Variants in SLIT3 observed in about 807,000 individuals in gnomAD.
SLIT3 encodes the protein slit homolog 3 protein.
SLIT3 carries 68 observed loss-of-function variants against 184.0 expected under a neutral mutation model. The observed-to-expected ratio is 0.37, with a 90% confidence interval of 0.30 to 0.45. The LOEUF is 0.45. Among genes scored for constraint, SLIT3 ranks in the 20% least tolerant of loss-of-function variants. SLIT3 has a pLI of 1.00. For missense variants in SLIT3, 1,707 were observed against 2,026.0 expected (o/e 0.84, Z 3.02); for synonymous variants, 831 against 828.6 (o/e 1.00, Z -0.05).
chr5:169,122,417 G>A (rs1053454736), intron 4 of SLIT3, among the ~76,000 whole-genome samples: 1 of 152,192 alleles, frequency 6.6e-6, no homozygotes, highest in Non-Finnish European at 1.5e-5. Context: ...TCAAGGCCCT[G>A]AGCTCTGGTA....
intron 4 of SLIT3, among the ~76,000 whole-genome samples, chr5:168,983,343 T>A (rs1417809957): frequency 6.6e-6 from 1 of 152,230 alleles, no homozygotes; most frequent in Non-Finnish European, 1.5e-5. Context: ...TGCCAATTTA[T>A]CTTTTCACAT....
At chr5:168,837,263 T>G (rs1311848503) in intron 6 of SLIT3, among the ~76,000 whole-genome samples, 1 of 152,196 alleles carries the variant, frequency 6.6e-6, no homozygotes, top group Non-Finnish European at 1.5e-5. Context: ...AGACTTTCAT[T>G]AAGCCATGAC....
At chr5:169,243,854 A>G (rs1765486960) in intron 3 of SLIT3, among the ~76,000 whole-genome samples, 1 of 152,254 alleles carries the variant, frequency 6.6e-6, no homozygotes, top group Non-Finnish European at 1.5e-5. Context: ...AGATTCAGAG[A>G]GAACTTTGAA....
chr5:168,760,792 T>C, intron 16 of SLIT3, 70 bp downstream of exon 16: 1 of 1,147,786 alleles, frequency 8.7e-7, no homozygotes, highest in African/African-American at 1.5e-5. Context: ...GTCCCCTGGT[T>C]CCTCTAGTCT....
At chr5:168,936,454 C>T (rs377733753) in intron 4 of SLIT3, among the ~76,000 whole-genome samples, 3 of 152,110 alleles carry the variant, frequency 2.0e-5, no homozygotes, top group East Asian at 1.9e-4. Context: ...AGTCTTGTCT[C>T]GAACTCCTGA....
Position 168,663,802 on chromosome 5 carries a change from T to C in SLIT3, c.*2652A>G, listed in dbSNP as rs1217596436. The C allele has an allele frequency of 1.3e-5, 2 of 152,206 alleles. No individual in the cohort carries two copies. Among genetic ancestry groups the C allele is most frequent in the Non-Finnish European group, 2.9e-5 (2 of 68,066 alleles). 9.4% of individuals were successfully genotyped at this position (152,206 alleles called of 1,614,324 possible). Reference sequence around the variant, plus strand: ...AAACTCCTATTCATCCTTAAAGACCTAGGACTAGAAGTTCCCTCCTCTGGA... The same window carrying C: ...AAACTCCTATTCATCCTTAAAGACCCAGGACTAGAAGTTCCCTCCTCTGGA... On this transcript the variant is annotated 3_prime_UTR_variant, in exon 36 of 36. Transcript: ENST00000519560.
intron 6 of SLIT3, among the ~76,000 whole-genome samples, chr5:168,830,202 A>T (rs1344484053): frequency 2.6e-5 from 4 of 151,762 alleles, no homozygotes; most frequent in Non-Finnish European, 4.4e-5. Context: ...GCTCAACCCC[A>T]CTCTCTCAAC....
intron 4 of SLIT3, among the ~76,000 whole-genome samples, chr5:169,098,845 C>T (rs1342913547): frequency 6.6e-6 from 1 of 152,102 alleles, no homozygotes; most frequent in Non-Finnish European, 1.5e-5. Context: ...AGGAGCATTC[C>T]TTGAGAAGCC....
In SLIT3 at chr5:168,748,313, A is replaced by G. The variant is rs765936248; in HGVS notation, c.2259T>C (p.Asp753=). ...CTGGGGGTACTTACAGCTCGGTCAC[A>G]TCCTTGGGCATGCCTCTGGGGAGGG... is the stretch of plus-strand genomic sequence containing the variant. ...LRALPRGMPK[D]VTELYLEGNH... Residue 753 remains aspartate, a synonymous_variant, in exon 20 of 36, where the codon GAT becomes GAC. Coordinates refer to ENST00000519560, the MANE Select transcript of SLIT3 (RefSeq NM_003062.4). 1.4e-6 allele frequency: 2 copies of G among 1,478,152 alleles called. No individual in the cohort carries two copies. Among genetic ancestry groups the G allele is most frequent in the Non-Finnish European group, 1.8e-6 (2 of 1,118,222 alleles). The allele number at this position is 1,478,152 out of a possible 1,614,324, so 91.6% of individuals were successfully genotyped here. A position where few individuals can be genotyped will look rare whatever the true frequency, so the allele number is the denominator to read the frequency against.
At chr5:169,277,297 C>T (rs1766842460) in intron 1 of SLIT3, among the ~76,000 whole-genome samples, 1 of 152,178 alleles carries the variant, frequency 6.6e-6, no homozygotes, top group African/African-American at 2.4e-5. Flanking sequence ...GTGGCATGAT[C>T]ATGGCTCACC....
chr5:169,172,693 T>C (rs964141595), intron 4 of SLIT3, among the ~76,000 whole-genome samples: 4 of 152,194 alleles, frequency 2.6e-5, no homozygotes, highest in Non-Finnish European at 5.9e-5. Context: ...TCCATAAAAT[T>C]GACATCTGCT....
At chr5:168,707,816 A>C in intron 26 of SLIT3, 160 bp downstream of exon 26, 1 of 778,274 alleles carries the variant, frequency 1.3e-6, no homozygotes, top group Non-Finnish European at 2.1e-6. Flanking sequence ...GAACAGTGTT[A>C]CTGGCAAATG....
At chr5:168,822,050 G>C in intron 7 of SLIT3, among the ~76,000 whole-genome samples, 1 of 152,204 alleles carries the variant, frequency 6.6e-6, no homozygotes, top group Admixed American at 6.5e-5. Context: ...CACCCCAAGA[G>C]ATTCTGATCT....
intron 4 of SLIT3, among the ~76,000 whole-genome samples, chr5:168,945,798 C>A (rs1300558985): frequency 6.6e-6 from 1 of 152,230 alleles, no homozygotes; most frequent in East Asian, 1.9e-4. Context: ...CAGCCAGCGT[C>A]TTAGGGAAAC....
chr5:169,229,839 A>G, intron 3 of SLIT3, among the ~76,000 whole-genome samples: 1 of 152,132 alleles, frequency 6.6e-6, no homozygotes, highest in East Asian at 1.9e-4. Context: ...TTAACTTGTA[A>G]GTGAACCTGA....
At chr5:169,117,842 C>G (rs1181149991) in intron 4 of SLIT3, among the ~76,000 whole-genome samples, 2 of 152,204 alleles carry the variant, frequency 1.3e-5, no homozygotes, top group African/African-American at 2.4e-5. Flanking sequence ...TTTGAAAACT[C>G]TAGGTTCTCT....
intron 12 of SLIT3, among the ~76,000 whole-genome samples, chr5:168,785,678 G>A (rs909722518): frequency 2.6e-5 from 4 of 152,144 alleles, no homozygotes; most frequent in Non-Finnish European, 4.4e-5. Context: ...CAGGGCCCTC[G>A]GCTGTATCAT....
chr5:169,070,799 A>T (rs1758516744), intron 4 of SLIT3, among the ~76,000 whole-genome samples: 1 of 34,368 alleles, frequency 2.9e-5, no homozygotes, highest in African/African-American at 9.2e-5. Context: ...ATTTTCCTCA[A>T]AAAAAAAAAA....
intron 4 of SLIT3, among the ~76,000 whole-genome samples, chr5:169,005,129 G>A (rs182688674): frequency 6.6e-6 from 1 of 152,170 alleles, no homozygotes; most frequent in Non-Finnish European, 1.5e-5. Flanking sequence ...TATGCAGATT[G>A]TTTTTAAAAC....
Sources: gnomAD v4.1 joint callset for allele counts (sites outside exome capture counted in the v4.1 genomes callset) on GRCh38, gnomAD v4.1.1 for gene constraint, MANE v1.5 for transcripts, NCBI Gene and HGNC (gene_info 2026-07-23, HGNC 2026-07-21) for gene names.